PGBD5: variants seen among roughly 807,000 people sequenced by gnomAD.
PGBD5 encodes the protein piggyBac transposable element-derived protein 5.
In PGBD5, 14 loss-of-function variants were observed where a neutral mutation model predicts 47.9. The observed-to-expected ratio is 0.29, with a 90% CI of 0.19 to 0.46. The LOEUF (loss-of-function observed/expected upper bound fraction) is 0.46, where lower values mean the gene tolerates loss of function less well. Ranked by LOEUF, PGBD5 falls within the 20% of genes least tolerant of loss-of-function variation. The pLI is 1.00. For missense variants in PGBD5, 635 were observed against 716.0 expected, an observed-to-expected ratio of 0.89 and a Z score of 1.29; for synonymous variants, 316 against 306.3, an observed-to-expected ratio of 1.03 and a Z score of -0.33.
At position 230,357,375 on chromosome 1, in the gene PGBD5, T is replaced by G. The variant is rs901213341; in HGVS notation, c.332-54A>C. ...CTTAGGACGGCCGCCACACCCTGAC[T>G]CGACACGAGAACGGCTGCATTTCCA... On this transcript the variant is annotated intron_variant, in intron 1 of 6. Coordinates refer to ENST00000391860, the MANE Select transcript of PGBD5 (RefSeq NM_001258311.2). This position sits in a 1 kb window ranked among gnomAD's most constrained non-coding sequence, Gnocchi z 5.7. 32 of 1,564,848 alleles carry G rather than the reference T, an allele frequency of 2.0e-5. No individual in the cohort carries two copies. Among genetic ancestry groups the G allele is most frequent in the Admixed American group, 3.5e-5 (2 of 57,922 alleles).
chr1:230,393,582 A>C (rs972859747), intron 1 of PGBD5, among the ~76,000 whole-genome samples: 6 of 152,278 alleles, frequency 3.9e-5, no homozygotes, highest in South Asian at 2.1e-4. Context: ...TCACGCCTGT[A>C]ATCCCAGCAC....
At chr1:230,423,519 C>T (rs1255449100) in intron 1 of PGBD5, among the ~76,000 whole-genome samples, 7 of 152,238 alleles carry the variant, frequency 4.6e-5, no homozygotes, top group Non-Finnish European at 1.0e-4. Flanking sequence ...TCCCTCCACA[C>T]TGGTAGGCGC....
intron 6 of PGBD5, 41 bp downstream of exon 6, chr1:230,325,269 C>CT: frequency 7.0e-7 from 1 of 1,431,738 alleles, no homozygotes; most frequent in South Asian, 1.2e-5. Context: ...GACGGCACAA[C>CT]TATGAGAGCC....
chr1:230,331,257 C>T (rs557762953), intron 5 of PGBD5, among the ~76,000 whole-genome samples: 1 of 151,908 alleles, frequency 6.6e-6, no homozygotes, highest in African/African-American at 2.4e-5. Context: ...ACAAAAAATA[C>T]AAAAAAACAT....
chr1:230,403,115 C>G (rs1322044475), intron 1 of PGBD5, among the ~76,000 whole-genome samples: 4 of 152,210 alleles, frequency 2.6e-5, no homozygotes, highest in Admixed American at 6.5e-5. Context: ...GCCTCCAGGC[C>G]TCTTCTCTAA....
intron 1 of PGBD5, among the ~76,000 whole-genome samples, chr1:230,398,363 T>C (rs1328679986): frequency 6.6e-6 from 1 of 151,702 alleles, no homozygotes; most frequent in Non-Finnish European, 1.5e-5. Context: ...GGTCTCCATG[T>C]CTTCGCATGG....
intron 1 of PGBD5, among the ~76,000 whole-genome samples, chr1:230,405,288 G>A (rs1438343701): frequency 6.6e-6 from 1 of 151,616 alleles, no homozygotes; most frequent in African/African-American, 2.4e-5. Flanking sequence ...ACTTATACCC[G>A]GATTTCCTTC....
At position 230,317,684 on chromosome 1, in the gene PGBD5, G is replaced by A. The variant is rs1319654945; in HGVS notation, c.*5741C>T. 6.6e-6 allele frequency: 1 copy of A among 152,172 alleles called. No individual in the cohort carries two copies. Among genetic ancestry groups the A allele is most frequent in the Non-Finnish European group, 1.5e-5 (1 of 68,048 alleles). The allele number at this position is 152,172 out of a possible 1,614,324, so 9.4% of individuals were successfully genotyped here. ...TGGCCATAAAGTGCCCCTTCCACCT[G>A]AGGGAGCCAGGAGGCTTGACACGTG... On this transcript the variant is annotated 3_prime_UTR_variant, in exon 7 of 7. Transcript: ENST00000391860.
rs75703013 is a variant in PGBD5, at chr1:230,416,358, G to A, written c.331+9240C>T. ...ACATTTTTTACCGGCACCGAATCCC[G>A]TACCCACTTAAAAATCTACTTCTGC... On this transcript the variant is annotated intron_variant, in intron 1 of 6. Transcript: ENST00000391860. Among the ~76,000 whole-genome samples, 345 of 152,246 alleles carry A rather than the reference G, an allele frequency of 2.3e-3. 1 individual carries two copies. Among genetic ancestry groups the A allele is most frequent in the African/African-American group, 7.9e-3 (327 of 41,530 alleles).
At chr1:230,335,751 A>AGC (rs1558192696) in intron 4 of PGBD5, among the ~76,000 whole-genome samples, 12 of 90 alleles carry the variant, frequency 0.13, no homozygotes, top group Admixed American at 0.25. Context: ...ACAAAGACAC[A>AGC]CACAGATACA....
rs1280310378 is a variant in PGBD5 at position 230,425,908 on chromosome 1, G to A, written c.21C>T (p.Gly7=). 21 of 1,144,858 alleles carry A rather than the reference G, an allele frequency of 1.8e-5. No homozygotes were observed. The highest frequency in any genetic ancestry group is 2.2e-5 in the Non-Finnish European group (21 of 934,424). The allele number at this position is 1,144,858 out of a possible 1,614,324, so 70.9% of individuals were successfully genotyped here. Residue 7 remains glycine (G), a synonymous_variant, in exon 1 of 7, where the codon GGC becomes GGT. Transcript: ENST00000391860. The surrounding 1 kb of genome is among the most constrained non-coding windows in gnomAD (Gnocchi z 4.7). MAEGGG[G]ARRRAPALLE... Reference sequence around the variant, plus strand: ...GCAGCGCCGGCGCCCTCCTCCGCGCGCCCCCGCCGCCCTCGGCCATGGCCC... The same window carrying A: ...GCAGCGCCGGCGCCCTCCTCCGCGCACCCCCGCCGCCCTCGGCCATGGCCC...
Position 230,396,196 on chromosome 1 carries a change from C to CA in PGBD5, c.331+29401_331+29402insT, listed in dbSNP as rs535753066. ...TTTACCCACATTCCTTTTTACCCCC[C>CA]CACTCTTCCCTTTTACTCACATTCC... is the stretch of plus-strand genomic sequence containing the variant. On this transcript the variant is annotated intron_variant, in intron 1 of 6. Transcript: ENST00000391860. 4.5e-4 allele frequency among the ~76,000 whole-genome samples: 41 copies of CA among 90,590 alleles called. No homozygotes were observed. In the South Asian group the frequency reaches 0.017, roughly 38 times the overall value. 59.4% of individuals were successfully genotyped at this position (90,590 alleles called of 152,430 possible). A position where few individuals can be genotyped will look rare whatever the true frequency, so the allele number is the denominator to read the frequency against.
At chr1:230,400,805 T>C (rs1023783542) in intron 1 of PGBD5, among the ~76,000 whole-genome samples, 1 of 152,224 alleles carries the variant, frequency 6.6e-6, no homozygotes, top group Non-Finnish European at 1.5e-5. Context: ...CACTTGTGAA[T>C]AGCCACTGCA....
In PGBD5 at chr1:230,414,791, T is replaced by C. The variant is rs189981733; in HGVS notation, c.331+10807A>G. Among the ~76,000 whole-genome samples, 87 of 152,340 alleles carry C rather than the reference T, an allele frequency of 5.7e-4. 1 individual carries two copies. Among genetic ancestry groups the C allele is most frequent in the South Asian group, 1.0e-3 (5 of 4,828 alleles). On this transcript the variant is annotated intron_variant, in intron 1 of 6. Coordinates refer to ENST00000391860, the MANE Select transcript of PGBD5 (RefSeq NM_001258311.2). ...TGCTGGGACCTGAAGGAAGCAAATG[T>C]CATTACGTCAGATAAGGAAGGAGAT... is the stretch of plus-strand genomic sequence containing the variant.
intron 1 of PGBD5, among the ~76,000 whole-genome samples, chr1:230,410,275 A>G (rs1446089998): frequency 6.6e-6 from 1 of 152,248 alleles, no homozygotes; most frequent in Non-Finnish European, 1.5e-5. Context: ...ATTCAAGAAC[A>G]TGACAAAAAG....
rs1366995572 is a variant in PGBD5 at position 230,315,800 on chromosome 1, ATATATG to A, written c.*7619_*7624del. 1 of 138,580 alleles carries A rather than the reference ATATATG, an allele frequency of 7.2e-6. No individual in the cohort carries two copies. Among genetic ancestry groups the A allele is most frequent in the Non-Finnish European group, 1.6e-5 (1 of 62,168 alleles). 8.6% of individuals were successfully genotyped at this position (138,580 alleles called of 1,614,324 possible). On this transcript the variant is annotated 3_prime_UTR_variant, in exon 7 of 7. Coordinates refer to ENST00000391860, the MANE Select transcript of PGBD5 (RefSeq NM_001258311.2). The stretch of plus-strand genomic sequence containing the variant: ...TATGCATATATGTATATATGTATAC[ATATATG>A]TATATGTGCATACATATAGAGGTAT...
rs191587935 is a variant in PGBD5 at position 230,314,852 on chromosome 1, G to A, written c.*8573C>T. On this transcript the variant is annotated 3_prime_UTR_variant, in exon 7 of 7. Transcript: ENST00000391860. ...GGAAGGGAAAACAAGAAGAAACAAT[G>A]TAATGTAGCAGTGGAAACAAAATTC... The A allele has an allele frequency of 1.3e-5, 2 of 152,264 alleles. No individual in the cohort carries two copies. The highest frequency in any genetic ancestry group is 1.9e-4 in the East Asian group (1 of 5,188). The allele number at this position is 152,264 out of a possible 1,614,324, so 9.4% of individuals were successfully genotyped here.
chr1:230,397,848 G>T (rs1657038798), intron 1 of PGBD5, among the ~76,000 whole-genome samples: 2 of 152,220 alleles, frequency 1.3e-5, no homozygotes, highest in Non-Finnish European at 2.9e-5. Context: ...GATGCTGCCG[G>T]GAAGAATCCA....
chr1:230,317,137 G>C lies in PGBD5; in HGVS notation c.*6288C>G, dbSNP rs373690351. 2 of 152,374 alleles carry C rather than the reference G, an allele frequency of 1.3e-5. No homozygotes were observed. Among genetic ancestry groups the C allele is most frequent in the East Asian group, 3.9e-4 (2 of 5,180 alleles). 9.4% of individuals were successfully genotyped at this position (152,374 alleles called of 1,614,324 possible). A position where few individuals can be genotyped will look rare whatever the true frequency, so the allele number is the denominator to read the frequency against. On this transcript the variant is annotated 3_prime_UTR_variant, in exon 7 of 7. Transcript: ENST00000391860. ...CGGCCTCTGGCTGGAGCCTTCTTTC[G>C]GCGGAGAATCAGCCTGCTCTGTGCC...
Sources: allele counts gnomAD v4.1 joint callset (sites outside exome capture counted in the v4.1 genomes callset), GRCh38; gene constraint gnomAD v4.1.1; non-coding constraint Gnocchi (gnomAD v3.1); transcripts MANE v1.5; gene names NCBI Gene and HGNC (gene_info 2026-07-23, HGNC 2026-07-21).